PHIP: variants seen among roughly 807,000 people sequenced by gnomAD.
The protein encoded by PHIP is PHIP subunit of CUL4-Ring ligase complex, also known as PH-interacting protein.
In PHIP, 54 loss-of-function variants were observed where a neutral mutation model predicts 236.8. The ratio of observed to expected loss-of-function variants is 0.23; its 90% CI spans 0.18 to 0.29. The LOEUF is 0.29. Ranked by LOEUF, PHIP falls within the 10% of genes least tolerant of loss-of-function variation. The pLI, the probability that PHIP is intolerant of heterozygous loss-of-function variation, is 1.00. For synonymous variants in PHIP, 756 were observed against 718.9 expected, an observed-to-expected ratio of 1.05 and a Z score of -0.83; for missense variants, 1,370 against 2,190.8, an observed-to-expected ratio of 0.63 and a Z score of 7.48.
intron 13 of PHIP, among the ~76,000 whole-genome samples, chr6:79,016,021 T>TCA (rs1254302864): frequency 2.0e-5 from 3 of 151,882 alleles, no homozygotes; most frequent in African/African-American, 7.2e-5. Context: ...TGCATAAATA[T>TCA]CACTGCTATA....
At chr6:78,953,426 C>G (rs1015846467) in intron 35 of PHIP, among the ~76,000 whole-genome samples, 3 of 152,120 alleles carry the variant, frequency 2.0e-5, no homozygotes, top group African/African-American at 7.2e-5. Context: ...ACGCTTAAAA[C>G]AATGAATAAA....
At chr6:79,023,398 C>T (rs1417309551) in intron 9 of PHIP, among the ~76,000 whole-genome samples, 1 of 151,922 alleles carries the variant, frequency 6.6e-6, no homozygotes, top group Non-Finnish European at 1.5e-5. Context: ...CTGTGCCCAG[C>T]CAGAGTACTC....
At chr6:79,000,806 A>C (rs1769937229) in intron 17 of PHIP, among the ~76,000 whole-genome samples, 1 of 152,054 alleles carries the variant, frequency 6.6e-6, no homozygotes, top group African/African-American at 2.4e-5. Flanking sequence ...GAGACACATT[A>C]ATCTCACAAA....
rs1771385223 is a variant in PHIP, at chr6:79,026,068, C to T, written c.697G>A (p.Val233Ile). The T allele has an allele frequency of 6.2e-7, 1 of 1,613,740 alleles. No individual in the cohort carries two copies. Among genetic ancestry groups the T allele is most frequent in the African/African-American group, 1.3e-5 (1 of 74,906 alleles). ...GCTATCATGGTATTCTCATAGTTTACAGCCATGTCTGATATTTCAGCAGCA... is the reference window on the plus strand; with the variant it reads ...GCTATCATGGTATTCTCATAGTTTATAGCCATGTCTGATATTTCAGCAGCA... ...GHAAEISDMA[V>I]NYENTMIAAG... The change falls in exon 8 of 40, where the codon GTA becomes ATA. Residue 233 changes from valine (V) to isoleucine (I), a missense_variant. Transcript: ENST00000275034.
At chr6:78,977,974 C>T (rs892260233) in intron 24 of PHIP, among the ~76,000 whole-genome samples, 2 of 152,004 alleles carry the variant, frequency 1.3e-5, no homozygotes, top group African/African-American at 4.8e-5. Context: ...TGTTGGACAC[C>T]AGATAACACT....
In PHIP at chr6:79,025,555, C is replaced by G; in HGVS notation, c.887G>C (p.Cys296Ser). 6.2e-7 allele frequency: 1 copy of G among 1,611,566 alleles called. No homozygotes were observed. Among genetic ancestry groups the G allele is most frequent in the Non-Finnish European group, 8.5e-7 (1 of 1,177,820 alleles). ...GGTTCCAGCATCCCAGAGCCAAAAA[C>G]AAATAGTGCCATCTGCCCCAGTAGA... ...LSSTGADGTI[C>S]FWLWDAGTLK... Residue 296 changes from cysteine (C) to serine (S), a missense_variant, in exon 9 of 40, where the codon TGT (cysteine) becomes TCT (serine). By Grantham distance (112) the Cys-to-Ser change is moderately radical. This residue lies in a region of PHIP where 188 missense variants were observed against 354.3 expected (regional missense o/e 0.53). Coordinates refer to ENST00000275034, the MANE Select transcript of PHIP (RefSeq NM_017934.7).
At chr6:78,995,285 T>C (rs1769534547) in intron 19 of PHIP, among the ~76,000 whole-genome samples, 1 of 152,220 alleles carries the variant, frequency 6.6e-6, no homozygotes, top group Admixed American at 6.5e-5. Context: ...TCTGGGTATC[T>C]TTCTGGCTTT....
In PHIP at chr6:78,991,615, T is replaced by C. The variant is rs116186362; in HGVS notation, c.2202-630A>G. 5.9e-3 allele frequency among the ~76,000 whole-genome samples: 899 copies of C among 152,294 alleles called. 4 individuals are homozygous for C. The highest frequency in any genetic ancestry group is 0.02 in the African/African-American group (829 of 41,574). ...TCTTACAACTTTAAAGTTTTTGAAA[T>C]GCAAGGGTATTTGAAATTTAATTCT... On this transcript the variant is annotated intron_variant, in intron 19 of 39. Coordinates refer to ENST00000275034, the MANE Select transcript of PHIP (RefSeq NM_017934.7).
In PHIP at chr6:78,981,615, A is replaced by G. The variant is rs75462615; in HGVS notation, c.2769+1271T>C. ...AAAATTATCAAATTAAGGGGACCAG[A>G]TGAAGCAAACTGTACTCTTGGGATG... On this transcript the variant is annotated intron_variant, in intron 23 of 39. Transcript: ENST00000275034. Among the ~76,000 whole-genome samples the G allele has an allele frequency of 2.3e-3, 352 of 152,132 alleles. 2 individuals are homozygous for G. Among genetic ancestry groups the G allele is most frequent in the Middle Eastern group, 0.02 (6 of 294 alleles).
chr6:79,038,286 CTT>C (rs1016564378), intron 7 of PHIP, among the ~76,000 whole-genome samples: 1 of 152,192 alleles, frequency 6.6e-6, no homozygotes. Context: ...TAAAGGCTCT[CTT>C]TGTGTGTCAA....
At chr6:79,063,087 A>T (rs149526083) in intron 4 of PHIP, among the ~76,000 whole-genome samples, 5,600 of 152,284 alleles carry the variant, frequency 0.037, 103 homozygotes, top group Middle Eastern at 0.058. Context: ...CCCTGCAAAA[A>T]TACACAAGCC....
intron 6 of PHIP, among the ~76,000 whole-genome samples, chr6:79,059,062 T>C (rs1773220471): frequency 6.6e-6 from 1 of 152,090 alleles, no homozygotes; most frequent in Non-Finnish European, 1.5e-5. Context: ...AGGACAATCT[T>C]ATGTTTTAAA....
chr6:78,955,103 C>T (rs887847756), intron 34 of PHIP, 129 bp downstream of exon 34: 14 of 884,560 alleles, frequency 1.6e-5, no homozygotes, highest in East Asian at 5.6e-5. Flanking sequence ...AAAAAACATA[C>T]ATTTTGTAAT....
Position 79,016,549 on chromosome 6 carries a change from T to G in PHIP, c.1230A>C (p.Pro410=), listed in dbSNP as rs1226402964. 1 of 1,601,518 alleles carries G rather than the reference T, an allele frequency of 6.2e-7. No homozygotes were observed. The highest frequency in any genetic ancestry group is 2.2e-5 in the East Asian group (1 of 44,774). Residue 410 remains proline (P), a synonymous_variant, in exon 13 of 40, where the codon CCA becomes CCC. Coordinates refer to ENST00000275034, the MANE Select transcript of PHIP (RefSeq NM_017934.7). ...TTTCAAATTTGACCTCTTACCCTGC[T>G]GGACGAGTAGCCATATCCAACAAAA... ...KSILLDMATR[P]AGQNLQGIED...
At position 79,059,626 on chromosome 6, in the gene PHIP, A is replaced by ATATAT. The variant is rs1562216785; in HGVS notation, c.439+851_439+852insATATA. Reference sequence around the variant, plus strand: ...ATATATATATATATATATATATATAAAAATGCCAAACAAAAGTCATATAAA... The same window carrying ATATAT: ...ATATATATATATATATATATATATAATATATAAATGCCAAACAAAAGTCATATAAA... On this transcript the variant is annotated intron_variant, in intron 6 of 39. Transcript: ENST00000275034. Among the ~76,000 whole-genome samples, 248 of 43,112 alleles carry ATATAT rather than the reference A, an allele frequency of 5.8e-3. 2 individuals carry two copies. The highest frequency in any genetic ancestry group is 0.017 in the South Asian group (13 of 768). The allele number at this position is 43,112 out of a possible 152,430, so 28.3% of individuals were successfully genotyped here.
intron 7 of PHIP, among the ~76,000 whole-genome samples, chr6:79,031,203 T>G (rs6918296): frequency 6.6e-6 from 1 of 152,150 alleles, no homozygotes; most frequent in Non-Finnish European, 1.5e-5. Flanking sequence ...CTCAGCCTCC[T>G]AAAGTGCTGG....
At chr6:79,048,142 T>C (rs1055628370) in intron 6 of PHIP, among the ~76,000 whole-genome samples, 1 of 152,086 alleles carries the variant, frequency 6.6e-6, no homozygotes, top group Non-Finnish European at 1.5e-5. Context: ...AAAAATGTTG[T>C]ATCTTTATTA....
chr6:78,934,755 G>A lies in PHIP; in HGVS notation c.*5938C>T, dbSNP rs1773202448. On this transcript the variant is annotated 3_prime_UTR_variant, in exon 40 of 40. Transcript: ENST00000275034. ...AATCAACCTTTAAAACTTTACAGATGAGGAAAATGAAGCTCTGAGATACGA... is the reference window on the plus strand; with the variant it reads ...AATCAACCTTTAAAACTTTACAGATAAGGAAAATGAAGCTCTGAGATACGA... Among the ~76,000 whole-genome samples the A allele has an allele frequency of 6.6e-6, 1 of 152,164 alleles. No individual in the cohort carries two copies. The highest frequency in any genetic ancestry group is 1.5e-5 in the Non-Finnish European group (1 of 68,038).
intron 6 of PHIP, among the ~76,000 whole-genome samples, chr6:79,045,550 C>T (rs1246884566): frequency 6.6e-6 from 1 of 151,902 alleles, no homozygotes; most frequent in Non-Finnish European, 1.5e-5. Context: ...GTAAATCTTC[C>T]TTAATAATAA....
Sources: allele counts gnomAD v4.1 joint callset (sites outside exome capture counted in the v4.1 genomes callset), GRCh38; gene constraint gnomAD v4.1.1; regional missense constraint gnomAD v4.1.1; transcripts MANE v1.5; gene names NCBI Gene and HGNC (gene_info 2026-07-23, HGNC 2026-07-21).